POU6F2: variants seen among roughly 807,000 people sequenced by gnomAD.
POU6F2 encodes POU class 6 homeobox 2.
POU6F2 carries 31 observed loss-of-function variants against 71.3 expected under a neutral mutation model. That is an observed-to-expected ratio of 0.43 (90% CI 0.33 to 0.59). POU6F2 has a LOEUF of 0.59. Among genes scored for constraint, POU6F2 ranks in the 20% least tolerant of loss-of-function variants. The probability of loss-of-function intolerance (pLI) is 0.04; values close to 1 mark genes in which losing one functional copy is unlikely to be tolerated. For missense variants in POU6F2, 783 were observed against 856.8 expected, an observed-to-expected ratio of 0.91 and a Z score of 1.07; for synonymous variants, 347 against 355.7, an observed-to-expected ratio of 0.98 and a Z score of 0.27.
chr7:39,114,539 A>G (rs1182101501), intron 2 of POU6F2, among the ~76,000 whole-genome samples: 1 of 152,206 alleles, frequency 6.6e-6, no homozygotes, highest in East Asian at 1.9e-4. Context: ...AAACAATATC[A>G]TTCACATGGA....
chr7:39,419,560 A>G (rs1277686901), intron 6 of POU6F2, among the ~76,000 whole-genome samples: 1 of 152,136 alleles, frequency 6.6e-6, no homozygotes, highest in East Asian at 1.9e-4. Context: ...TCTGTTTAAT[A>G]TATTGAAGTT....
intron 1 of POU6F2, among the ~76,000 whole-genome samples, chr7:38,989,059 G>A (rs1428773805): frequency 6.6e-6 from 1 of 152,040 alleles, no homozygotes; most frequent in South Asian, 2.1e-4. Flanking sequence ...AGACCCGTTG[G>A]GGAGTGGAAG....
At chr7:39,300,330 G>A (rs1183570280) in intron 4 of POU6F2, among the ~76,000 whole-genome samples, 4 of 152,140 alleles carry the variant, frequency 2.6e-5, no homozygotes, top group Non-Finnish European at 4.4e-5. Flanking sequence ...CCAGATCCCC[G>A]AAGACCAGGA....
chr7:39,193,429 A>T (rs1217430387), intron 2 of POU6F2, among the ~76,000 whole-genome samples: 2 of 152,186 alleles, frequency 1.3e-5, no homozygotes, highest in African/African-American at 4.8e-5. Context: ...AATTTGTATC[A>T]TGATATTGGT....
At chr7:39,355,670 A>G (rs1336541816) in intron 5 of POU6F2, among the ~76,000 whole-genome samples, 1 of 152,112 alleles carries the variant, frequency 6.6e-6, no homozygotes, top group Non-Finnish European at 1.5e-5. Context: ...CCCACCACCC[A>G]GCCCCCCAGC....
Position 39,207,410 on chromosome 7 carries a change from C to G in POU6F2, c.388C>G (p.Gln130Glu). 6.2e-7 allele frequency: 1 copy of G among 1,613,992 alleles called. No individual in the cohort carries two copies. Among genetic ancestry groups the G allele is most frequent in the Non-Finnish European group, 8.5e-7 (1 of 1,179,846 alleles). Reference protein sequence around the residue: ...VGPQPLLTAQQLASAVAGVMP... With the variant: ...VGPQPLLTAQELASAVAGVMP... ...CTTGCAGCCACTTCTGACGGCACAG[C>G]AGTTAGCTTCTGCTGTGGCCGGCGT... The change falls in exon 4 of 10, where the codon CAG (glutamine) becomes GAG (glutamate). Residue 130 changes from glutamine to glutamate, a missense_variant. This residue lies in a region of POU6F2 where 572 missense variants were observed against 572.9 expected (regional missense o/e 1.00). Coordinates refer to ENST00000518318, the MANE Select transcript of POU6F2 (RefSeq NM_001370959.1).
chr7:39,243,057 G>A (rs1269249135), intron 4 of POU6F2, among the ~76,000 whole-genome samples: 1 of 152,072 alleles, frequency 6.6e-6, no homozygotes, highest in African/African-American at 2.4e-5. Flanking sequence ...AAAACTATAA[G>A]AAATCACCAA....
chr7:39,343,724 A>G (rs2329390), intron 5 of POU6F2, among the ~76,000 whole-genome samples: 85,444 of 151,958 alleles, frequency 0.56, 24,194 homozygotes, highest in East Asian at 0.74. Context: ...CAACTAACTC[A>G]TAACTTTGGA....
intron 2 of POU6F2, among the ~76,000 whole-genome samples, chr7:39,190,584 A>C (rs1793642321): frequency 6.6e-6 from 1 of 150,886 alleles, no homozygotes; most frequent in African/African-American, 2.4e-5. Flanking sequence ...CTGATGCTCA[A>C]GGACTGGGTG....
intron 6 of POU6F2, among the ~76,000 whole-genome samples, chr7:39,418,931 A>G (rs994819533): frequency 7.1e-6 from 1 of 140,096 alleles, no homozygotes; most frequent in Non-Finnish European, 1.5e-5. Flanking sequence ...GTATATATGT[A>G]TATATGTGTA....
chr7:39,268,290 T>C (rs1784285026), intron 4 of POU6F2, among the ~76,000 whole-genome samples: 1 of 152,160 alleles, frequency 6.6e-6, no homozygotes, highest in Non-Finnish European at 1.5e-5. Context: ...AGCTGGAATT[T>C]CGGTGCAGGG....
chr7:39,384,038 A>G (rs1786885321), intron 5 of POU6F2, among the ~76,000 whole-genome samples: 1 of 152,248 alleles, frequency 6.6e-6, no homozygotes, highest in Admixed American at 6.5e-5. Context: ...AATATGTGGT[A>G]AACAAATCAT....
intron 2 of POU6F2, among the ~76,000 whole-genome samples, chr7:39,088,963 C>T (rs1296827029): frequency 6.6e-6 from 1 of 152,170 alleles, no homozygotes; most frequent in Non-Finnish European, 1.5e-5. Flanking sequence ...CCTTTTATGC[C>T]TCTCCTTAAA....
At chr7:39,126,762 A>G (rs933534356) in intron 2 of POU6F2, among the ~76,000 whole-genome samples, 2 of 152,194 alleles carry the variant, frequency 1.3e-5, no homozygotes, top group Admixed American at 1.3e-4. Flanking sequence ...TTTGTCTTAA[A>G]TGTATATGGA....
chr7:39,266,060 G>A (rs1371577649), intron 4 of POU6F2, among the ~76,000 whole-genome samples: 2 of 152,170 alleles, frequency 1.3e-5, no homozygotes, highest in East Asian at 1.9e-4. Flanking sequence ...GTTTTCAGAT[G>A]TATCAAAGCA....
intron 4 of POU6F2, among the ~76,000 whole-genome samples, chr7:39,214,655 A>AAGTG (rs1472085236): frequency 1.3e-5 from 2 of 152,234 alleles, no homozygotes; most frequent in African/African-American, 4.8e-5. Context: ...AGAACAGAGA[A>AAGTG]AGTGCCTAGC....
intron 2 of POU6F2, among the ~76,000 whole-genome samples, chr7:39,186,341 A>T (rs1413950729): frequency 6.6e-6 from 1 of 152,100 alleles, no homozygotes; most frequent in Non-Finnish European, 1.5e-5. Context: ...TACCAGCAGA[A>T]TCCAGCCTGG....
At chr7:39,158,508 C>T (rs999820323) in intron 2 of POU6F2, among the ~76,000 whole-genome samples, 2 of 152,102 alleles carry the variant, frequency 1.3e-5, no homozygotes, top group Admixed American at 1.3e-4. Flanking sequence ...GGGCCATCTG[C>T]AAGCGGGATA....
At chr7:38,996,397 A>G (rs188975434) in intron 1 of POU6F2, among the ~76,000 whole-genome samples, 1 of 151,650 alleles carries the variant, frequency 6.6e-6, no homozygotes, top group Admixed American at 6.6e-5. Context: ...CCTCTCTTCT[A>G]TTTATTTAAC....
Sources: allele counts gnomAD v4.1 joint callset (sites outside exome capture counted in the v4.1 genomes callset), GRCh38; gene constraint gnomAD v4.1.1; regional missense constraint gnomAD v4.1.1; transcripts MANE v1.5; gene names NCBI Gene and HGNC (gene_info 2026-07-23, HGNC 2026-07-21).